The following GNB5 variants were observed in gnomAD, a reference collection of about 807,000 sequenced individuals.
GNB5 encodes the protein guanine nucleotide-binding protein subunit beta-5.
In GNB5, 37 loss-of-function variants were observed where a neutral mutation model predicts 55.3. The ratio of observed to expected loss-of-function variants is 0.67; its 90% CI spans 0.51 to 0.88. The LOEUF (loss-of-function observed/expected upper bound fraction) is 0.88, where lower values mean the gene tolerates loss of function less well. Among genes scored for constraint, GNB5 ranks in the 40% least tolerant of loss-of-function variants. The pLI is 0.00. For synonymous variants in GNB5, 219 were observed against 198.5 expected (o/e 1.10, Z -0.87); for missense variants, 476 against 515.3 (o/e 0.92, Z 0.74).
At chr15:52,145,356 T>C (rs2033948774) in intron 6 of GNB5, among the ~76,000 whole-genome samples, 1 of 151,874 alleles carries the variant, frequency 6.6e-6, no homozygotes, top group Non-Finnish European at 1.5e-5. Context: ...TTAAAAAATA[T>C]GGGCCGGGTG....
At chr15:52,180,074 CA>C (rs2034741790) in intron 2 of GNB5, 195 bp from the exon 3 acceptor site, 1 of 566,526 alleles carries the variant, frequency 1.8e-6, no homozygotes. Flanking sequence ...CGCTCTGGCG[CA>C]GTGCCTGGTG....
intron 3 of GNB5, among the ~76,000 whole-genome samples, chr15:52,159,274 T>C (rs934003716): frequency 6.6e-6 from 1 of 152,046 alleles, no homozygotes; most frequent in Non-Finnish European, 1.5e-5. Context: ...TGCCTTCTCA[T>C]GACTATCTGT....
At chr15:52,125,819 A>G (rs1278330879) in intron 11 of GNB5, 129 bp downstream of exon 11, 3 of 615,900 alleles carry the variant, frequency 4.9e-6, no homozygotes, top group African/African-American at 3.7e-5. Context: ...TGGTGCAAAT[A>G]TGGATGATTT....
At chr15:52,163,733 G>A (rs1296059361) in intron 3 of GNB5, among the ~76,000 whole-genome samples, 1 of 152,236 alleles carries the variant, frequency 6.6e-6, no homozygotes, top group African/African-American at 2.4e-5. Flanking sequence ...GGGGCAGCCA[G>A]ACTGCTTCTT....
In GNB5 at chr15:52,125,999, A is replaced by G; in HGVS notation, c.958T>C (p.Ser320Pro). The G allele has an allele frequency of 6.3e-7, 1 of 1,589,670 alleles. No individual in the cohort carries two copies. Among genetic ancestry groups the G allele is most frequent in the Non-Finnish European group, 8.6e-7 (1 of 1,160,466 alleles). The stretch of plus-strand genomic sequence containing the variant: ...GCTCCAAATATGATGCTTTCTTTGG[A>G]ATAGATGGCAACCTCCCTATCTGCC... ...LRADREVAIY[S>P]KESIIFGASS... The change falls in exon 11 of 13, where the codon TCC becomes CCC. Residue 320 changes from serine (S) to proline (P), a missense_variant. By Grantham distance (74) the Ser-to-Pro change is moderately conservative. Transcript: ENST00000261837.
At chr15:52,152,349 A>C (rs1394326349) in intron 4 of GNB5, among the ~76,000 whole-genome samples, 1 of 151,662 alleles carries the variant, frequency 6.6e-6, no homozygotes, top group Non-Finnish European at 1.5e-5. Flanking sequence ...AAAAAAAAAC[A>C]GTCTCGCCCT....
chr15:52,189,683 C>T (rs1417165314), intron 1 of GNB5, among the ~76,000 whole-genome samples: 4 of 152,158 alleles, frequency 2.6e-5, no homozygotes, highest in Admixed American at 1.3e-4. Context: ...GTCCACCAAC[C>T]GACAAATGAA....
intron 9 of GNB5, among the ~76,000 whole-genome samples, chr15:52,132,777 C>T (rs1395747257): frequency 1.3e-5 from 2 of 151,874 alleles, no homozygotes; most frequent in Non-Finnish European, 2.9e-5. Context: ...GGTTAGCCAC[C>T]CCTACCCCTC....
At chr15:52,125,802 G>A in intron 11 of GNB5, 146 bp downstream of exon 11, 1 of 605,614 alleles carries the variant, frequency 1.7e-6, no homozygotes, top group Non-Finnish European at 3.0e-6. Context: ...GCTCAGAGGA[G>A]GAAAACTGGT....
intron 5 of GNB5, among the ~76,000 whole-genome samples, chr15:52,148,690 C>G (rs893169658): frequency 2.0e-5 from 3 of 152,218 alleles, no homozygotes; most frequent in African/African-American, 7.2e-5. Flanking sequence ...GTCTTCTTTT[C>G]TGTTATAATT....
rs1378667646 is a variant in GNB5, at chr15:52,124,592, C to T, written c.1057G>A (p.Asp353Asn). The change falls in exon 12 of 13, where the codon GAT becomes AAT. Residue 353 changes from aspartate to asparagine, a missense_variant. By Grantham distance (23) the Asp-to-Asn change is conservative. Coordinates refer to ENST00000261837, the MANE Select transcript of GNB5 (RefSeq NM_016194.4). ...GYNDYTINVW[D>N]VLKGSRVSIL... ...GAGACCCGGGACCCTTTGAGAACAT[C>T]CCAGACGTTGATAGTGTAATCATTG... 1 of 1,613,880 alleles carries T rather than the reference C, an allele frequency of 6.2e-7. No individual in the cohort carries two copies. The highest frequency in any genetic ancestry group is 2.2e-5 in the East Asian group (1 of 44,902).
intron 3 of GNB5, among the ~76,000 whole-genome samples, chr15:52,158,859 TCA>T (rs747075711): frequency 1.3e-5 from 2 of 152,082 alleles, no homozygotes; most frequent in Non-Finnish European, 2.9e-5. Flanking sequence ...TCACTGTAGT[TCA>T]GAGTCAAGGG....
intron 4 of GNB5, among the ~76,000 whole-genome samples, chr15:52,152,328 T>A (rs2034114677): frequency 6.6e-6 from 1 of 152,016 alleles, no homozygotes; most frequent in Non-Finnish European, 1.5e-5. Flanking sequence ...AATATCTTTT[T>A]TTTTTTGGAG....
At chr15:52,165,589 C>T (rs1321237337) in intron 3 of GNB5, among the ~76,000 whole-genome samples, 2 of 152,108 alleles carry the variant, frequency 1.3e-5, no homozygotes, top group South Asian at 2.1e-4. Context: ...ATTTTATATG[C>T]GGCCAAGCTA....
chr15:52,172,116 T>C (rs1371841038), intron 3 of GNB5, among the ~76,000 whole-genome samples: 1 of 152,110 alleles, frequency 6.6e-6, no homozygotes, highest in Non-Finnish European at 1.5e-5. Context: ...TAGAGTTGAA[T>C]TGTTTTCCCC....
intron 1 of GNB5, among the ~76,000 whole-genome samples, chr15:52,186,100 C>T (rs12903001): frequency 0.76 from 115,752 of 152,074 alleles, 45,733 homozygotes; most frequent in Middle Eastern, 0.88. Context: ...AACTGCTTGC[C>T]ATTGGCACAA....
At chr15:52,171,332 T>C (rs1480344435) in intron 3 of GNB5, among the ~76,000 whole-genome samples, 1 of 152,146 alleles carries the variant, frequency 6.6e-6, no homozygotes, top group East Asian at 1.9e-4. Context: ...CAGTCCCTAG[T>C]AAGCTTATAA....
In GNB5 at chr15:52,120,737, C is replaced by T. The variant is rs1392017652; in HGVS notation, c.*2020G>A. On this transcript the variant is annotated 3_prime_UTR_variant, in exon 13 of 13. Transcript: ENST00000261837. ...GCAGAGCTCAGGAATCCCATGGTGC[C>T]CTGACCCCTTCAGCACCTGGCAGGA... 1 of 152,206 alleles carries T rather than the reference C, an allele frequency of 6.6e-6. No homozygotes were observed. The highest frequency in any genetic ancestry group is 2.4e-5 in the African/African-American group (1 of 41,436). 9.4% of individuals were successfully genotyped at this position (152,206 alleles called of 1,614,324 possible). A position where few individuals can be genotyped will look rare whatever the true frequency, so the allele number is the denominator to read the frequency against.
At chr15:52,161,861 G>A (rs1219518405) in intron 3 of GNB5, among the ~76,000 whole-genome samples, 2 of 152,244 alleles carry the variant, frequency 1.3e-5, no homozygotes, top group Non-Finnish European at 2.9e-5. Context: ...ATGTGGACCG[G>A]TAGTCTTCAA....
Sources: gnomAD v4.1 joint callset for allele counts (sites outside exome capture counted in the v4.1 genomes callset) on GRCh38, gnomAD v4.1.1 for gene constraint, MANE v1.5 for transcripts, NCBI Gene and HGNC (gene_info 2026-07-23, HGNC 2026-07-21) for gene names.